The following ASAP1 variants were observed in gnomAD, a reference collection of about 807,000 sequenced individuals.
ASAP1 encodes ArfGAP with SH3 domain, ankyrin repeat and PH domain 1, also known as arf-GAP with SH3 domain, ANK repeat and PH domain-containing protein 1.
In ASAP1, 43 loss-of-function variants were observed where a neutral mutation model predicts 145.2. The observed-to-expected ratio is 0.30, with a 90% CI of 0.23 to 0.38. The LOEUF (loss-of-function observed/expected upper bound fraction) is 0.38, where lower values mean the gene tolerates loss of function less well. Ranked by LOEUF, ASAP1 falls within the 10% of genes least tolerant of loss-of-function variation. The pLI is 1.00. For missense variants in ASAP1, 1,018 were observed against 1,355.3 expected, an observed-to-expected ratio of 0.75 and a Z score of 3.91; for synonymous variants, 546 against 515.5, an observed-to-expected ratio of 1.06 and a Z score of -0.80.
chr8:130,276,722 A>ACTCTCT (rs1820912328), intron 3 of ASAP1, among the ~76,000 whole-genome samples: 10 of 110,622 alleles, frequency 9.0e-5, no homozygotes, highest in African/African-American at 3.2e-4. Flanking sequence ...ACACACACAC[A>ACTCTCT]CACACACTCT....
chr8:130,098,887 C>T (rs2097523749), intron 24 of ASAP1, among the ~76,000 whole-genome samples: 2 of 152,096 alleles, frequency 1.3e-5, no homozygotes, highest in Non-Finnish European at 2.9e-5. Context: ...ACTTATCCTT[C>T]CCATCTAGCT....
chr8:130,071,113 T>A (rs2097445618), intron 27 of ASAP1, among the ~76,000 whole-genome samples: 1 of 150,982 alleles, frequency 6.6e-6, no homozygotes. Context: ...GATGCAGTGA[T>A]CCTAGGACAG....
chr8:130,057,018 T>C (rs2097405730), intron 29 of ASAP1, among the ~76,000 whole-genome samples: 1 of 152,254 alleles, frequency 6.6e-6, no homozygotes, highest in South Asian at 2.1e-4. Context: ...CTTTCCCTCC[T>C]GATGCCTGAG....
chr8:130,401,231 T>G (rs919240802), intron 2 of ASAP1, among the ~76,000 whole-genome samples: 1 of 151,628 alleles, frequency 6.6e-6, no homozygotes, highest in Non-Finnish European at 1.5e-5. Flanking sequence ...GTAAATGAAA[T>G]TTTATTTTAT....
rs368859919 is a variant in ASAP1 at position 130,170,640 on chromosome 8, T to C, written c.747-1573A>G. ...AAATAAAGAAGAAAAATACTACCTT[T>C]AGAAAGTTTTTCAGCAACAGGGATG... On this transcript the variant is annotated intron_variant, in intron 9 of 29. Coordinates refer to ENST00000518721, the MANE Select transcript of ASAP1 (RefSeq NM_018482.4). Among the ~76,000 whole-genome samples the C allele has an allele frequency of 1.1e-3, 170 of 152,286 alleles. 2 individuals are homozygous for C. In the South Asian group the frequency reaches 0.035, roughly 31 times the overall value.
At chr8:130,426,500 A>G (rs1282609405) in intron 1 of ASAP1, among the ~76,000 whole-genome samples, 1 of 151,924 alleles carries the variant, frequency 6.6e-6, no homozygotes, top group Non-Finnish European at 1.5e-5. Context: ...AGCAAAAGCT[A>G]AAGTCCACAA....
At chr8:130,226,042 G>GT (rs1565109793) in intron 4 of ASAP1, among the ~76,000 whole-genome samples, 38 of 133,590 alleles carry the variant, frequency 2.8e-4, no homozygotes, top group African/African-American at 8.2e-4. Flanking sequence ...ACCATGCTTG[G>GT]CTTTTTTTTT....
At chr8:130,196,871 C>T (rs1326818290) in intron 5 of ASAP1, among the ~76,000 whole-genome samples, 3 of 152,168 alleles carry the variant, frequency 2.0e-5, no homozygotes, top group African/African-American at 7.2e-5. Context: ...TCCTTCATGC[C>T]CTACAGAGTT....
At chr8:130,188,747 A>G (rs1246233624) in intron 5 of ASAP1, among the ~76,000 whole-genome samples, 1 of 145,284 alleles carries the variant, frequency 6.9e-6, no homozygotes, top group Non-Finnish European at 1.5e-5. Context: ...AAAAAAAAAG[A>G]AAAGAAAAGA....
At position 130,139,894 on chromosome 8, in the gene ASAP1, A is replaced by C. The variant is rs528566853; in HGVS notation, c.1081-2856T>G. Reference sequence around the variant, plus strand: ...GGTGTTTCTGAACAATCTTACCAACAGATACAACCAAGAGTAGATACAAAT... The same window carrying C: ...GGTGTTTCTGAACAATCTTACCAACCGATACAACCAAGAGTAGATACAAAT... On this transcript the variant is annotated intron_variant, in intron 13 of 29. Transcript: ENST00000518721. 3.3e-5 allele frequency among the ~76,000 whole-genome samples: 5 copies of C among 151,016 alleles called. No homozygotes were observed. The East Asian group carries it at 9.7e-4, about 29-fold the overall frequency.
At chr8:130,058,856 C>T (rs147967286) in intron 28 of ASAP1, among the ~76,000 whole-genome samples, 1 of 152,164 alleles carries the variant, frequency 6.6e-6, no homozygotes, top group African/African-American at 2.4e-5. Context: ...AGCTGCTTTC[C>T]GAGCTCCCTT....
In ASAP1 at chr8:130,060,902, G is replaced by A; in HGVS notation, c.2869C>T (p.Pro957Ser). The A allele has an allele frequency of 6.2e-7, 1 of 1,612,720 alleles. No individual in the cohort carries two copies. The highest frequency in any genetic ancestry group is 8.5e-7 in the Non-Finnish European group (1 of 1,179,094). Residue 957 changes from proline to serine, a missense_variant, in exon 28 of 30, where the codon CCT becomes TCT. This residue lies in a region of ASAP1 where 139 missense variants were observed against 131.0 expected (regional missense o/e 1.06). Transcript: ENST00000518721. ...APKPQIGDLP[P>S]KPGELPPKPQ... ...TTGGGGGGCAGTTCTCCTGGCTTAG[G>A]CGGCAAATCTCCAATTTGGGGCTTG...
chr8:130,079,835 A>G, intron 26 of ASAP1, 67 bp downstream of exon 26: 2 of 1,513,244 alleles, frequency 1.3e-6, no homozygotes, highest in Middle Eastern at 1.7e-4. Context: ...ATGAAAACTC[A>G]TTTCTAGAAT....
At chr8:130,091,308 C>T (rs1309799237) in intron 25 of ASAP1, among the ~76,000 whole-genome samples, 1 of 152,150 alleles carries the variant, frequency 6.6e-6, no homozygotes, top group African/African-American at 2.4e-5. Context: ...AGGGAGGAAG[C>T]TGCGTTGGAG....
chr8:130,376,537 C>T (rs928561625), intron 2 of ASAP1, among the ~76,000 whole-genome samples: 12 of 152,114 alleles, frequency 7.9e-5, no homozygotes, highest in African/African-American at 2.9e-4. Flanking sequence ...ACCAGCCTGG[C>T]CAACATGGTG....
intron 3 of ASAP1, among the ~76,000 whole-genome samples, chr8:130,243,522 G>A (rs750589553): frequency 2.8e-4 from 42 of 152,050 alleles, no homozygotes; most frequent in Non-Finnish European, 5.3e-4. Context: ...CCTCGCTACT[G>A]CCTGCAAGGC....
intron 29 of ASAP1, among the ~76,000 whole-genome samples, chr8:130,057,259 C>T (rs1409684198): frequency 1.3e-5 from 2 of 152,246 alleles, no homozygotes; most frequent in Admixed American, 6.5e-5. Flanking sequence ...GCTCTGGGGT[C>T]AGGGCCGATC....
At chr8:130,344,513 ATTG>A (rs1327986148) in intron 3 of ASAP1, among the ~76,000 whole-genome samples, 1 of 152,240 alleles carries the variant, frequency 6.6e-6, no homozygotes, top group East Asian at 1.9e-4. Context: ...AAAGCAGACA[ATTG>A]TTGAAACTGA....
chr8:130,059,634 T>C (rs1261348014), intron 28 of ASAP1, among the ~76,000 whole-genome samples: 1 of 152,216 alleles, frequency 6.6e-6, no homozygotes, highest in Non-Finnish European at 1.5e-5. Context: ...AGAGCTGCCA[T>C]GTGCAATGGG....
Sources: allele counts gnomAD v4.1 joint callset (sites outside exome capture counted in the v4.1 genomes callset), GRCh38; gene constraint gnomAD v4.1.1; regional missense constraint gnomAD v4.1.1; transcripts MANE v1.5; gene names NCBI Gene and HGNC (gene_info 2026-07-23, HGNC 2026-07-21).